The following EDARADD variants were observed in gnomAD, a reference collection of about 807,000 sequenced individuals.
EDARADD encodes EDAR associated via death domain, also known as ectodysplasin-A receptor-associated adapter protein.
EDARADD carries 20 observed loss-of-function variants against 25.6 expected under a neutral mutation model. That is an observed-to-expected ratio of 0.78 (90% CI 0.55 to 1.14). The LOEUF is 1.14. Among genes scored for constraint, EDARADD ranks in the 50% most tolerant of loss-of-function variants. The pLI, the probability that EDARADD is intolerant of heterozygous loss-of-function variation, is 0.00. For synonymous variants in EDARADD, 86 were observed against 94.4 expected (o/e 0.91, Z 0.52); for missense variants, 225 against 270.1 (o/e 0.83, Z 1.17).
chr1:236,433,765 G>A (rs1658169653), intron 4 of EDARADD, among the ~76,000 whole-genome samples: 1 of 151,852 alleles, frequency 6.6e-6, no homozygotes, highest in African/African-American at 2.4e-5. Context: ...AGCTACTCTG[G>A]AGGCTGAGGC....
chr1:236,372,250 C>T (rs1667181680), intron 3 of EDARADD, among the ~76,000 whole-genome samples: 1 of 152,152 alleles, frequency 6.6e-6, no homozygotes, highest in African/African-American at 2.4e-5. Context: ...GCCACCATGC[C>T]CAGCCCCATT....
chr1:236,390,959 ATTTTTTG>A, upstream of EDARADD, among the ~76,000 whole-genome samples: 2 of 150,834 alleles, frequency 1.3e-5, no homozygotes, highest in Non-Finnish European at 1.5e-5. Flanking sequence ...TATTATTATT[ATTTTTTG>A]AGATGGAGTC....
intron 3 of EDARADD, among the ~76,000 whole-genome samples, chr1:236,369,897 T>C (rs1314417617): frequency 6.6e-6 from 1 of 152,108 alleles, no homozygotes; most frequent in African/African-American, 2.4e-5. Flanking sequence ...CTTGATGTTA[T>C]CATACTTCAA....
At chr1:236,468,632 T>A (rs927984111) in intron 5 of EDARADD, among the ~76,000 whole-genome samples, 2 of 152,110 alleles carry the variant, frequency 1.3e-5, no homozygotes, top group East Asian at 1.9e-4. Context: ...AAAATTAAAT[T>A]AAATAAAATA....
Position 236,395,685 on chromosome 1 carries a change from G to T in EDARADD, c.61+1180G>T, listed in dbSNP as rs1225386145. The T allele has an allele frequency of 7.1e-6, 11 of 1,553,448 alleles. No homozygotes were observed. The South Asian group carries it at 1.3e-4, about 18-fold the overall frequency. ...GGTAAAGGGACACAGCGCCGCGCCC[G>T]CTCCTGGAGCGAGCACCGCGGGGCG... On this transcript the variant is annotated intron_variant, in intron 1 of 5. Transcript: ENST00000334232. This position sits in a 1 kb window ranked among gnomAD's most constrained non-coding sequence, Gnocchi z 6.9.
At chr1:236,473,720 G>A (rs1293745722) in intron 5 of EDARADD, among the ~76,000 whole-genome samples, 1 of 152,128 alleles carries the variant, frequency 6.6e-6, no homozygotes, top group Non-Finnish European at 1.5e-5. Flanking sequence ...GGGAGGTGGA[G>A]GCTGCAGTGA....
At chr1:236,482,215 G>T in intron 5 of EDARADD, 52 bp from the exon 6 acceptor site, 1 of 1,604,208 alleles carries the variant, frequency 6.2e-7, no homozygotes, top group South Asian at 1.1e-5. Context: ...AGAAATGAAT[G>T]CATATGTTAG....
intron 4 of EDARADD, among the ~76,000 whole-genome samples, chr1:236,457,492 G>A (rs1222201971): frequency 1.3e-5 from 2 of 151,740 alleles, no homozygotes; most frequent in African/African-American, 2.4e-5. Flanking sequence ...TCCAGCCTGG[G>A]CAACAGAGGC....
intron 4 of EDARADD, among the ~76,000 whole-genome samples, chr1:236,463,485 G>T (rs560674141): frequency 6.6e-5 from 10 of 152,140 alleles, no homozygotes; most frequent in African/African-American, 2.4e-4. Flanking sequence ...TAGATGCGGG[G>T]TTTCACCATG....
chr1:236,357,177 T>C (rs150492490), intron 3 of EDARADD, among the ~76,000 whole-genome samples: 5 of 152,290 alleles, frequency 3.3e-5, no homozygotes, highest in African/African-American at 1.2e-4. Flanking sequence ...CTTTCTAATA[T>C]TCTGTGTGAC....
chr1:236,351,658 C>T (rs1038360334), intron 3 of EDARADD, among the ~76,000 whole-genome samples: 15 of 150,594 alleles, frequency 1.0e-4, no homozygotes, highest in African/African-American at 3.2e-4. Flanking sequence ...TGCAGTGAGC[C>T]GAGATCACCC....
At chr1:236,458,505 G>A (rs911337638) in intron 4 of EDARADD, among the ~76,000 whole-genome samples, 4 of 152,290 alleles carry the variant, frequency 2.6e-5, no homozygotes, top group South Asian at 2.1e-4. Context: ...GTAACATGTG[G>A]GGAGTGAGAT....
intron 3 of EDARADD, among the ~76,000 whole-genome samples, chr1:236,386,984 G>A (rs1667363301): frequency 1.8e-5 from 1 of 55,968 alleles, no homozygotes; most frequent in African/African-American, 5.8e-5. Context: ...CCTCTGCCCG[G>A]CCGCCCCTAC....
intron 1 of EDARADD, among the ~76,000 whole-genome samples, chr1:236,397,454 G>T (rs1667537091): frequency 6.6e-6 from 1 of 152,040 alleles, no homozygotes. Flanking sequence ...TCCCAAGATG[G>T]TGTTCTTAGT....
intron 5 of EDARADD, among the ~76,000 whole-genome samples, chr1:236,478,897 C>G (rs2103040677): frequency 6.6e-6 from 1 of 152,188 alleles, no homozygotes; most frequent in East Asian, 1.9e-4. Context: ...GACTGTTATT[C>G]TAAGTGAAGT....
Position 236,395,457 on chromosome 1 carries a change from A to C in EDARADD, c.61+952A>C. The C allele has an allele frequency of 1.3e-6, 2 of 1,487,002 alleles. No homozygotes were observed. The highest frequency in any genetic ancestry group is 1.8e-6 in the Non-Finnish European group (2 of 1,121,128). 92.1% of individuals were successfully genotyped at this position (1,487,002 alleles called of 1,614,324 possible). ...AGTGAGCTCGTGGAAGAAGCGAAGG[A>C]GGAGAAGAAGAAGGGAGGGGAAGGC... On this transcript the variant is annotated intron_variant, in intron 1 of 5. Coordinates refer to ENST00000334232, the MANE Select transcript of EDARADD (RefSeq NM_145861.4). The surrounding 1 kb of genome is among the most constrained non-coding windows in gnomAD (Gnocchi z 6.9).
At chr1:236,445,245 T>TTTTTTTTTTTTTTTTTG (rs1658502774) in intron 4 of EDARADD, among the ~76,000 whole-genome samples, 1 of 139,544 alleles carries the variant, frequency 7.2e-6, no homozygotes, top group Non-Finnish European at 1.6e-5. Flanking sequence ...TTTTTTTTTT[T>TTTTTTTTTTTTTTTTTG]GAGACAGAGT....
At chr1:236,413,237 A>G (rs1657546070) in intron 2 of EDARADD, among the ~76,000 whole-genome samples, 2 of 152,180 alleles carry the variant, frequency 1.3e-5, no homozygotes, top group South Asian at 4.1e-4. Flanking sequence ...AATGATGAGA[A>G]CTAATTTGAT....
rs564880427 is a variant in EDARADD, at chr1:236,457,686, G to C, written c.220-10545G>C. Among the ~76,000 whole-genome samples the C allele has an allele frequency of 3.9e-5, 6 of 152,046 alleles. No individual in the cohort carries two copies. The South Asian group carries it at 1.0e-3, about 26-fold the overall frequency. On this transcript the variant is annotated intron_variant, in intron 4 of 5. Transcript: ENST00000334232. ...ATACAAAAATTAGCCGGGTGTAGTG[G>C]TGCATGCCTGTAATCTCAACTACTC...
Sources: gnomAD v4.1 joint callset for allele counts (sites outside exome capture counted in the v4.1 genomes callset) on GRCh38, gnomAD v4.1.1 for gene constraint, Gnocchi (gnomAD v3.1) non-coding constraint, MANE v1.5 for transcripts, NCBI Gene and HGNC (gene_info 2026-07-23, HGNC 2026-07-21) for gene names.